Variants in DPRX observed in about 807,000 individuals in gnomAD.
DPRX encodes the protein divergent paired-related homeobox.
DPRX carries 11 observed loss-of-function variants against 8.4 expected under a neutral mutation model. The observed-to-expected ratio is 1.31, with a 90% CI of 0.82 to 2.17. DPRX has a LOEUF of 2.17. Ranked by LOEUF, DPRX falls within the 30% of genes most tolerant of loss-of-function variation. DPRX has a pLI of 0.00. For synonymous variants in DPRX, 72 were observed against 87.0 expected (o/e 0.83, Z 0.96); for missense variants, 211 against 236.7 (o/e 0.89, Z 0.71).
chr19:53,620,451 C>G, the DPRX span, among the ~76,000 whole-genome samples: 1 of 150,752 alleles, frequency 6.6e-6, no homozygotes, highest in Admixed American at 6.6e-5. Context: ...CAACCTCTGC[C>G]CCCTGGGTTC....
intron 1 of DPRX, among the ~76,000 whole-genome samples, chr19:53,632,842 C>T (rs529138421): frequency 6.6e-6 from 1 of 152,304 alleles, no homozygotes; most frequent in South Asian, 2.1e-4. Context: ...ATTCTTCCCA[C>T]CCCGATGCTT....
chr19:53,612,729 G>C, the DPRX span, among the ~76,000 whole-genome samples: 1 of 151,814 alleles, frequency 6.6e-6, no homozygotes, highest in African/African-American at 2.4e-5. Flanking sequence ...AGAAAAAAAA[G>C]ACCCCCTCTC....
the DPRX span, among the ~76,000 whole-genome samples, chr19:53,626,663 G>A: frequency 6.6e-6 from 1 of 152,166 alleles, no homozygotes; most frequent in African/African-American, 2.4e-5. Flanking sequence ...CTTCCGGTTT[G>A]GCAATGAGTG....
the DPRX span, among the ~76,000 whole-genome samples, chr19:53,618,004 G>A: frequency 5.3e-5 from 8 of 151,704 alleles, no homozygotes; most frequent in Admixed American, 3.3e-4. Flanking sequence ...CGGGCGTGGT[G>A]GTGGCGGGGC....
At chr19:53,621,598 C>G in the DPRX span, among the ~76,000 whole-genome samples, 1 of 151,952 alleles carries the variant, frequency 6.6e-6, no homozygotes, top group African/African-American at 2.4e-5. Context: ...GAGTTCCAGA[C>G]CAGCCTGGCC....
At chr19:53,616,660 G>T in the DPRX span, 1 of 642,908 alleles carries the variant, frequency 1.6e-6, no homozygotes, top group Non-Finnish European at 2.5e-6. Flanking sequence ...AAACTGAGGC[G>T]GGAGAATCCC....
chr19:53,633,600 C>CT (rs1876768027), intron 1 of DPRX, among the ~76,000 whole-genome samples: 1 of 152,082 alleles, frequency 6.6e-6, no homozygotes, highest in Admixed American at 6.6e-5. Context: ...GCCTCTGCCT[C>CT]TGAGGTTCAA....
upstream of DPRX, chr19:53,629,742 C>G (rs1253592034): frequency 6.6e-6 from 1 of 151,852 alleles, no homozygotes; most frequent in Non-Finnish European, 1.5e-5. Context: ...ACCTGTAATC[C>G]CAGCACTTTG....
the DPRX span, chr19:53,616,676 C>T: frequency 2.7e-6 from 2 of 746,918 alleles, no homozygotes; most frequent in East Asian, 2.9e-5. Context: ...ATCCCTTGAA[C>T]CTCATAGGCA....
chr19:53,610,208 TA>T, the DPRX span, among the ~76,000 whole-genome samples: 3 of 144,278 alleles, frequency 2.1e-5, no homozygotes, highest in East Asian at 6.2e-4. Flanking sequence ...TAATCCCAGC[TA>T]CTCAGGAGGC....
At chr19:53,625,062 CTTT>C in the DPRX span, among the ~76,000 whole-genome samples, 8 of 120,270 alleles carry the variant, frequency 6.7e-5, no homozygotes, top group Admixed American at 1.9e-4. Flanking sequence ...TCATCATGGG[CTTT>C]TTTTTTTTTT....
At chr19:53,636,978 G>C in exon 3 of DPRX, 1 of 1,597,692 alleles carries the variant, frequency 6.3e-7, no homozygotes, top group Non-Finnish European at 8.5e-7. Context: ...AACCAAAGTC[G>C]AGAGAGATGA....
At chr19:53,621,464 A>G in the DPRX span, among the ~76,000 whole-genome samples, 83 of 152,202 alleles carry the variant, frequency 5.5e-4, no homozygotes, top group Non-Finnish European at 1.0e-3. Flanking sequence ...TTTAGTCATT[A>G]AGTCTTGAAG....
the DPRX span, among the ~76,000 whole-genome samples, chr19:53,615,929 C>G: frequency 6.6e-6 from 1 of 151,120 alleles, no homozygotes; most frequent in Non-Finnish European, 1.5e-5. Context: ...ATAGTGAAAC[C>G]CTTGTCTCCA....
intron 1 of DPRX, among the ~76,000 whole-genome samples, chr19:53,634,300 G>A (rs573954565): frequency 1.8e-4 from 28 of 152,216 alleles, no homozygotes; most frequent in African/African-American, 5.1e-4. Flanking sequence ...GCATGGTGGC[G>A]TGCGCCTGTA....
the DPRX span, among the ~76,000 whole-genome samples, chr19:53,607,554 AAAT>A: frequency 6.6e-6 from 1 of 152,072 alleles, no homozygotes; most frequent in Admixed American, 6.6e-5. Flanking sequence ...CAAAAAATAA[AAAT>A]AAGTTTTAGG....
the DPRX span, chr19:53,601,933 A>G: frequency 6.9e-6 from 3 of 434,872 alleles, no homozygotes; most frequent in African/African-American, 4.0e-5. Flanking sequence ...TAGAGTATTT[A>G]GAGCTTGAGG....
chr19:53,605,418 T>C, the DPRX span, among the ~76,000 whole-genome samples: 2 of 148,410 alleles, frequency 1.3e-5, no homozygotes, highest in African/African-American at 5.0e-5. Flanking sequence ...GCTCTGTCGC[T>C]CAGGCTGGAG....
the DPRX span, among the ~76,000 whole-genome samples, chr19:53,603,815 C>T: frequency 6.7e-6 from 1 of 150,078 alleles, no homozygotes; most frequent in Non-Finnish European, 1.5e-5. Context: ...ACAATCTCAG[C>T]TCACTGCAAC....
Sources: allele counts gnomAD v4.1 joint callset (sites outside exome capture counted in the v4.1 genomes callset), GRCh38; gene constraint gnomAD v4.1.1; transcripts MANE v1.5; gene names NCBI Gene and HGNC (gene_info 2026-07-23, HGNC 2026-07-21).